The following C6 variants were observed in gnomAD, a reference collection of about 807,000 sequenced individuals.
The protein encoded by C6 is complement component C6.
In C6, 101 loss-of-function variants were observed where a neutral mutation model predicts 112.9. The ratio of observed to expected loss-of-function variants is 0.89; its 90% CI spans 0.76 to 1.06. The LOEUF is 1.06. C6 is among the 50% of genes least tolerant of loss of function. The pLI is 0.00. For synonymous variants in C6, 431 were observed against 384.1 expected (o/e 1.12, Z -1.43); for missense variants, 1,202 against 1,104.6 (o/e 1.09, Z -1.25).
chr5:41,239,111 C>CTTTT (rs34322889), intron 1 of C6, among the ~76,000 whole-genome samples: 194 of 121,630 alleles, frequency 1.6e-3, no homozygotes, highest in Middle Eastern at 5.1e-3. Flanking sequence ...TCTTTTCTTT[C>CTTTT]TTTTTTTTTT....
chr5:41,225,212 C>A (rs1453933680), intron 1 of C6, among the ~76,000 whole-genome samples: 2 of 152,148 alleles, frequency 1.3e-5, no homozygotes, highest in Non-Finnish European at 2.9e-5. Context: ...CTATCCCTCC[C>A]CTCTCCCCCA....
At chr5:41,209,023 A>G (rs868417141) in intron 1 of C6, among the ~76,000 whole-genome samples, 2 of 152,182 alleles carry the variant, frequency 1.3e-5, no homozygotes, top group Non-Finnish European at 2.9e-5. Flanking sequence ...CTTATCCACC[A>G]CAATCAGGTT....
rs575690819 is a variant in C6, at chr5:41,182,020, G to A, written c.727-461C>T. On this transcript the variant is annotated intron_variant, in intron 6 of 17. Coordinates refer to ENST00000337836, the MANE Select transcript of C6 (RefSeq NM_000065.5). ...CTTGTTTTATACTTTTTCAAGAGAC[G>A]AGTCTGACTTCGGGATCACAGTTTC... Among the ~76,000 whole-genome samples, 17 of 152,212 alleles carry A rather than the reference G, an allele frequency of 1.1e-4. No individual in the cohort carries two copies. In the South Asian group the frequency reaches 2.3e-3, roughly 20 times the overall value.
At chr5:41,181,651 G>T in intron 6 of C6, 92 bp from the exon 7 acceptor site, 1 of 1,056,134 alleles carries the variant, frequency 9.5e-7, no homozygotes, top group East Asian at 2.6e-5. Flanking sequence ...ATTTATTTAT[G>T]CACTCAGCCA....
chr5:41,203,201 G>C lies in C6; in HGVS notation c.30C>G (p.Ile10Met). MARRSVLYF[I>M]LLNALINKGQ... ...CCTTGTTGATCAGAGCATTCAGCAG[G>C]ATGAAGTACAAGACAGAGCGTCTGG... is the stretch of plus-strand genomic sequence containing the variant. Residue 10 changes from isoleucine to methionine, a missense_variant, in exon 2 of 18, where the codon ATC (isoleucine) becomes ATG (methionine). Transcript: ENST00000337836. The C allele has an allele frequency of 6.2e-7, 1 of 1,614,108 alleles. No homozygotes were observed. The highest frequency in any genetic ancestry group is 8.5e-7 in the Non-Finnish European group (1 of 1,179,980).
intron 6 of C6, among the ~76,000 whole-genome samples, chr5:41,182,997 T>A (rs1749471295): frequency 6.6e-6 from 1 of 152,240 alleles, no homozygotes. Context: ...TTATCAAGCT[T>A]TGTGGGTTAA....
At chr5:41,257,925 T>C (rs911813279) in intron 1 of C6, among the ~76,000 whole-genome samples, 2 of 152,196 alleles carry the variant, frequency 1.3e-5, no homozygotes, top group African/African-American at 4.8e-5. Flanking sequence ...AGAAATAAGC[T>C]TAACAACCAT....
At chr5:41,155,378 G>GT (rs958668142) in intron 13 of C6, among the ~76,000 whole-genome samples, 2 of 151,884 alleles carry the variant, frequency 1.3e-5, no homozygotes, top group Non-Finnish European at 2.9e-5. Context: ...TTGTTTGTTT[G>GT]TTTTTTTAAC....
intron 15 of C6, among the ~76,000 whole-genome samples, chr5:41,151,427 A>T (rs1746381242): frequency 6.6e-6 from 1 of 152,210 alleles, no homozygotes; most frequent in Non-Finnish European, 1.5e-5. Flanking sequence ...TGAAATAGAA[A>T]ATATTAGAAA....
intron 5 of C6, among the ~76,000 whole-genome samples, chr5:41,188,405 T>G (rs538721045): frequency 6.6e-6 from 1 of 152,220 alleles, no homozygotes; most frequent in East Asian, 1.9e-4. Context: ...AGTGTAGTAG[T>G]ACTGGCATGA....
chr5:41,164,193 T>G (rs73750301), intron 9 of C6, among the ~76,000 whole-genome samples: 4,212 of 152,238 alleles, frequency 0.028, 191 homozygotes, highest in African/African-American at 0.091. Flanking sequence ...AGTTTTTGCT[T>G]AGTATTACTC....
chr5:41,153,809 C>A lies in C6; in HGVS notation c.2290+1G>T, dbSNP rs769828883. 3 of 1,611,322 alleles carry A rather than the reference C, an allele frequency of 1.9e-6. No individual in the cohort carries two copies. In the African/African-American group the frequency reaches 4.0e-5, roughly 22 times the overall value. ...CCCCAGAACACTGAGCTGCTACTCACCTTTTTCACAGGTGAGAGAGTTTGA... is the reference window on the plus strand; with the variant it reads ...CCCCAGAACACTGAGCTGCTACTCAACTTTTTCACAGGTGAGAGAGTTTGA... On this transcript the variant is annotated splice_donor_variant, in intron 15 of 17. Coordinates refer to ENST00000337836, the MANE Select transcript of C6 (RefSeq NM_000065.5). LOFTEE classifies it high-confidence loss of function.
chr5:41,258,128 T>C (rs189668722), intron 1 of C6, among the ~76,000 whole-genome samples: 3 of 152,294 alleles, frequency 2.0e-5, no homozygotes, highest in African/African-American at 7.2e-5. Context: ...TATTATTCTA[T>C]AATAACATAG....
Position 41,221,261 on chromosome 5 carries a change from C to A in C6, c.-20-18011G>T, listed in dbSNP as rs192044369. Among the ~76,000 whole-genome samples the A allele has an allele frequency of 3.7e-3, 569 of 152,172 alleles. 6 individuals carry two copies. Among genetic ancestry groups the A allele is most frequent in the African/African-American group, 0.013 (548 of 41,524 alleles). On this transcript the variant is annotated intron_variant, in intron 1 of 17. Transcript: ENST00000263413. ...TGCTATAGTTTTCATGAAAACTCTA[C>A]AATACACTGTCATGATTTTTGCTTT...
rs370350319 is a variant in C6, at chr5:41,160,372, G to C, written c.1459-5C>G. 1.6e-5 allele frequency: 26 copies of C among 1,608,566 alleles called. No homozygotes were observed. The highest frequency in any genetic ancestry group is 2.0e-5 in the Non-Finnish European group (24 of 1,175,118). On this transcript the variant is annotated splice_region_variant and splice_polypyrimidine_tract_variant and intron_variant, in intron 10 of 17. Coordinates refer to ENST00000337836, the MANE Select transcript of C6 (RefSeq NM_000065.5). ...CAAGTCCACGATGGGGGCAAGCTAG[G>C]AGAAAATGGGAGAGAGGAGGTCCAG...
chr5:41,218,100 C>G (rs1187902028), upstream of C6, among the ~76,000 whole-genome samples: 1 of 152,098 alleles, frequency 6.6e-6, no homozygotes, highest in African/African-American at 2.4e-5. Context: ...TATGCTGGGA[C>G]TTAAGATACA....
upstream of C6, among the ~76,000 whole-genome samples, chr5:41,217,081 C>G (rs1026686961): frequency 2.6e-5 from 4 of 152,064 alleles, no homozygotes; most frequent in South Asian, 8.3e-4. Context: ...TCCCTTGAAA[C>G]TTTTTCTTCC....
At chr5:41,252,378 A>T (rs1186529870) in intron 1 of C6, among the ~76,000 whole-genome samples, 1 of 152,130 alleles carries the variant, frequency 6.6e-6, no homozygotes, top group Non-Finnish European at 1.5e-5. Flanking sequence ...GAGGTCAGTT[A>T]TGCCTCATTA....
intron 7 of C6, among the ~76,000 whole-genome samples, chr5:41,178,924 G>A (rs111547974): frequency 0.012 from 1,872 of 152,076 alleles, 26 homozygotes; most frequent in Non-Finnish European, 0.018. Flanking sequence ...TGCGATCTCC[G>A]CTCACTGCAA....
Sources: gnomAD v4.1 joint callset for allele counts (sites outside exome capture counted in the v4.1 genomes callset) on GRCh38, gnomAD v4.1.1 for gene constraint, MANE v1.5 for transcripts, NCBI Gene and HGNC (gene_info 2026-07-23, HGNC 2026-07-21) for gene names.